The following ARID1B variants were observed in gnomAD, a reference collection of about 807,000 sequenced individuals.
ARID1B encodes AT-rich interactive domain-containing protein 1B.
Under a neutral mutation model 212.3 loss-of-function variants are expected in ARID1B, and 30 were observed. That is an observed-to-expected ratio of 0.14 (90% confidence interval 0.11 to 0.19). The LOEUF (loss-of-function observed/expected upper bound fraction) is 0.19. Among genes scored for constraint, ARID1B ranks in the 10% least tolerant of loss-of-function variants. The probability of loss-of-function intolerance (pLI) is 1.00; values close to 1 mark genes in which losing one functional copy is unlikely to be tolerated. For synonymous variants in ARID1B, 1,402 were observed against 1,301.7 expected (o/e 1.08, Z -1.66); for missense variants, 2,891 against 3,204.0 (o/e 0.90, Z 2.36).
chr6:157,084,820 G>T lies in ARID1B; in HGVS notation c.2406G>T (p.Pro802=). The T allele has an allele frequency of 6.2e-7, 1 of 1,607,144 alleles. No individual in the cohort carries two copies. The highest frequency in any genetic ancestry group is 8.5e-7 in the Non-Finnish European group (1 of 1,174,446). The part of the protein sequence containing the change: ...PHASPHLSSI[P]GGPSPSPVGS... ...CGTCCCCTCATCTCTCCAGCATCCC[G>T]GGGGGCCCATCTCCCTCTCCTGTTG... Residue 802 remains proline (P), a synonymous_variant, in exon 5 of 20, where the codon CCG becomes CCT. Coordinates refer to ENST00000636930, the MANE Select transcript of ARID1B (RefSeq NM_001374828.1).
intron 8 of ARID1B, chr6:157,149,227 A>G: frequency 4.6e-6 from 2 of 430,834 alleles, no homozygotes; most frequent in Non-Finnish European, 8.5e-6. Flanking sequence ...TCATTGCAGC[A>G]GCAAACCAGA....
In ARID1B at chr6:156,777,795, G is replaced by A. The variant is rs1778728430; in HGVS notation, c.115G>A (p.Asp39Asn). Residue 39 changes from aspartate (D) to asparagine (N), a missense_variant, in exon 1 of 20, where the codon GAC becomes AAC. Coordinates refer to ENST00000636930, the MANE Select transcript of ARID1B (RefSeq NM_001374828.1). ...GCCGCGGCCGGCGCCCGGAGCCCGG[G>A]ACCTGGAGGCGGGGGCGCGCGGCGC... Reference protein sequence around the residue: ...PGPRPAPGARDLEAGARGAAA... With the variant: ...PGPRPAPGARNLEAGARGAAA... 6 of 950,624 alleles carry A rather than the reference G, an allele frequency of 6.3e-6. No homozygotes were observed. The South Asian group carries it at 2.3e-4, about 37-fold the overall frequency. The allele number at this position is 950,624 out of a possible 1,614,324, so 58.9% of individuals were successfully genotyped here. A position where few individuals can be genotyped will look rare whatever the true frequency, so the allele number is the denominator to read the frequency against.
rs780399896 is a variant in ARID1B, at chr6:157,203,845, C to A, written c.5264-21C>A. On this transcript the variant is annotated intron_variant, in intron 18 of 19. Coordinates refer to ENST00000636930, the MANE Select transcript of ARID1B (RefSeq NM_001374828.1). This position sits in a 1 kb window ranked among gnomAD's most constrained non-coding sequence, Gnocchi z 4.4. ...GCATAGAGTCAACATTCATGATATCCTTGTTCTTCCCCATCTTCAGTTACT... is the reference window on the plus strand; with the variant it reads ...GCATAGAGTCAACATTCATGATATCATTGTTCTTCCCCATCTTCAGTTACT... 1 of 1,613,628 alleles carries A rather than the reference C, an allele frequency of 6.2e-7. No homozygotes were observed. Among genetic ancestry groups the A allele is most frequent in the Middle Eastern group, 1.6e-4 (1 of 6,062 alleles).
intron 1 of ARID1B, among the ~76,000 whole-genome samples, chr6:156,812,538 G>A (rs1447756357): frequency 6.6e-6 from 1 of 151,878 alleles, no homozygotes; most frequent in African/African-American, 2.4e-5. Flanking sequence ...TTAAAGTCAA[G>A]GACCTTCTTA....
chr6:156,838,007 A>G (rs1310358875), intron 2 of ARID1B, among the ~76,000 whole-genome samples: 1 of 152,242 alleles, frequency 6.6e-6, no homozygotes, highest in Non-Finnish European at 1.5e-5. Context: ...AGCAGGAGTT[A>G]CCCAGCTTCC....
At chr6:157,032,271 A>C (rs149488405) in intron 4 of ARID1B, among the ~76,000 whole-genome samples, 3 of 152,226 alleles carry the variant, frequency 2.0e-5, no homozygotes, top group Non-Finnish European at 4.4e-5. Flanking sequence ...GTTACAAACT[A>C]TCTCTTAAAA....
At chr6:156,920,351 T>A (rs539217570) in intron 3 of ARID1B, among the ~76,000 whole-genome samples, 143 of 152,386 alleles carry the variant, frequency 9.4e-4, no homozygotes, top group African/African-American at 3.2e-3. Context: ...GATATTTATA[T>A]TCTGACACAA....
At chr6:157,047,687 G>C (rs1193651364) in intron 4 of ARID1B, among the ~76,000 whole-genome samples, 1 of 152,208 alleles carries the variant, frequency 6.6e-6, no homozygotes, top group Non-Finnish European at 1.5e-5. Flanking sequence ...GTCTTTTTAA[G>C]AGAGCAAGGA....
chr6:157,031,366 G>A (rs1018440478), intron 4 of ARID1B, among the ~76,000 whole-genome samples: 1 of 152,276 alleles, frequency 6.6e-6, no homozygotes, highest in African/African-American at 2.4e-5. Context: ...TGTAAGGAGA[G>A]TATTTTTATC....
At chr6:157,155,325 G>A (rs112684438) in intron 8 of ARID1B, among the ~76,000 whole-genome samples, 18 of 152,258 alleles carry the variant, frequency 1.2e-4, no homozygotes, top group South Asian at 8.3e-4. Flanking sequence ...AATTGTGGGG[G>A]AGCAGAGTGG....
At chr6:157,095,408 G>A (rs1785546739) in intron 5 of ARID1B, among the ~76,000 whole-genome samples, 1 of 152,230 alleles carries the variant, frequency 6.6e-6, no homozygotes. Flanking sequence ...ATCACTGAGA[G>A]AAGAATTCTG....
At chr6:157,057,063 C>T (rs1289106454) in intron 4 of ARID1B, among the ~76,000 whole-genome samples, 15 of 151,296 alleles carry the variant, frequency 9.9e-5, no homozygotes, top group Admixed American at 1.3e-4. Flanking sequence ...AGTGCAGTGG[C>T]GTGGCTCACT....
In ARID1B at chr6:157,013,658, T is replaced by G. The variant is rs565004516; in HGVS notation, c.2248-71004T>G. Among the ~76,000 whole-genome samples the G allele has an allele frequency of 1.4e-4, 22 of 152,272 alleles. No homozygotes were observed. The South Asian group carries it at 3.1e-3, about 22-fold the overall frequency. On this transcript the variant is annotated intron_variant, in intron 4 of 19. Coordinates refer to ENST00000636930, the MANE Select transcript of ARID1B (RefSeq NM_001374828.1). ...CTCACATTAAACACCACAGGAAGATTTTGGTTGAATGTGTACTGAAGGTTG... is the reference window on the plus strand; with the variant it reads ...CTCACATTAAACACCACAGGAAGATGTTGGTTGAATGTGTACTGAAGGTTG...
chr6:156,781,153 A>G (rs1276752125), intron 1 of ARID1B, among the ~76,000 whole-genome samples: 1 of 152,202 alleles, frequency 6.6e-6, no homozygotes, highest in African/African-American at 2.4e-5. Flanking sequence ...TTAAAAAACG[A>G]AATGAGGAAA....
intron 2 of ARID1B, among the ~76,000 whole-genome samples, chr6:156,881,869 A>T (rs1208060800): frequency 6.6e-6 from 1 of 152,202 alleles, no homozygotes; most frequent in Non-Finnish European, 1.5e-5. Context: ...CTAGTGTAGC[A>T]TTGGGGGAAG....
intron 1 of ARID1B, among the ~76,000 whole-genome samples, chr6:156,785,239 A>G (rs770671183): frequency 4.6e-5 from 7 of 152,352 alleles, no homozygotes; most frequent in African/African-American, 1.2e-4. Flanking sequence ...TCTTAAGCCT[A>G]TCTGGTTTAT....
At chr6:157,004,124 C>T (rs923195994) in intron 4 of ARID1B, among the ~76,000 whole-genome samples, 1 of 152,078 alleles carries the variant, frequency 6.6e-6, no homozygotes, top group South Asian at 2.1e-4. Context: ...AGGCTGGTCT[C>T]GAACTCCTGA....
rs1228696049 is a variant in ARID1B at position 156,778,645 on chromosome 6, C to T, written c.965C>T (p.Pro322Leu). The T allele has an allele frequency of 2.0e-6, 3 of 1,478,004 alleles. No homozygotes were observed. The highest frequency in any genetic ancestry group is 1.3e-5 in the South Asian group (1 of 77,740). 91.6% of individuals were successfully genotyped at this position (1,478,004 alleles called of 1,614,324 possible). A position where few individuals can be genotyped will look rare whatever the true frequency, so the allele number is the denominator to read the frequency against. ...EFNNYYGSAA[P>L]ASGGPGGRAG... ...AATAATTACTATGGCAGCGCTGCCC[C>T]TGCGAGCGGCGGCCCCGGCGGCCGC... is the stretch of plus-strand genomic sequence containing the variant. Residue 322 changes from proline to leucine, a missense_variant, in exon 1 of 20, where the codon CCT (proline) becomes CTT (leucine). Coordinates refer to ENST00000636930, the MANE Select transcript of ARID1B (RefSeq NM_001374828.1).
chr6:157,051,673 GA>G (rs545885664), intron 4 of ARID1B, among the ~76,000 whole-genome samples: 11 of 151,734 alleles, frequency 7.2e-5, no homozygotes, highest in East Asian at 3.9e-4. Flanking sequence ...GCAGAGGAAA[GA>G]AAAAAAATGA....
Sources: allele counts gnomAD v4.1 joint callset (sites outside exome capture counted in the v4.1 genomes callset), GRCh38; gene constraint gnomAD v4.1.1; non-coding constraint Gnocchi (gnomAD v3.1); transcripts MANE v1.5; gene names NCBI Gene and HGNC (gene_info 2026-07-23, HGNC 2026-07-21).